Variants in CTTNBP2 observed in about 807,000 individuals in gnomAD.
The protein encoded by CTTNBP2 is cortactin-binding protein 2.
In CTTNBP2, 108 loss-of-function variants were observed where a neutral mutation model predicts 156.9. The ratio of observed to expected loss-of-function variants is 0.69; its 90% CI spans 0.59 to 0.81. The LOEUF (loss-of-function observed/expected upper bound fraction) is 0.81, where lower values mean the gene tolerates loss of function less well. Ranked by LOEUF, CTTNBP2 falls within the 30% of genes least tolerant of loss-of-function variation. CTTNBP2 has a pLI of 0.00. For missense variants in CTTNBP2, 1,924 were observed against 2,035.4 expected (o/e 0.95, Z 1.05); for synonymous variants, 767 against 751.8 (o/e 1.02, Z -0.33).
chr7:117,813,173 T>C (rs1480778091), intron 2 of CTTNBP2, among the ~76,000 whole-genome samples: 1 of 152,188 alleles, frequency 6.6e-6, no homozygotes, highest in Non-Finnish European at 1.5e-5. Context: ...GTCTATTCTT[T>C]TCCCATGAAG....
chr7:117,765,417 C>A (rs948808362), intron 9 of CTTNBP2, among the ~76,000 whole-genome samples: 2 of 152,172 alleles, frequency 1.3e-5, no homozygotes, highest in East Asian at 1.9e-4. Context: ...TAATTACTAA[C>A]CCTATTAACA....
intron 2 of CTTNBP2, among the ~76,000 whole-genome samples, chr7:117,853,767 T>G (rs2117205862): frequency 6.6e-6 from 1 of 152,318 alleles, no homozygotes; most frequent in Admixed American, 6.5e-5. Flanking sequence ...TCATCTTTAG[T>G]GTGTTCTCCT....
At chr7:117,786,922 A>G (rs1363301800) in intron 4 of CTTNBP2, among the ~76,000 whole-genome samples, 1 of 152,192 alleles carries the variant, frequency 6.6e-6, no homozygotes, top group Non-Finnish European at 1.5e-5. Flanking sequence ...TTTCTTACAC[A>G]GAACTACAGA....
At chr7:117,762,574 T>A (rs1322598789) in intron 9 of CTTNBP2, among the ~76,000 whole-genome samples, 1 of 152,204 alleles carries the variant, frequency 6.6e-6, no homozygotes, top group Non-Finnish European at 1.5e-5. Context: ...GCCACCATAA[T>A]TGTCTCTCAC....
At chr7:117,870,031 G>C (rs1804475200) in intron 1 of CTTNBP2, among the ~76,000 whole-genome samples, 1 of 152,104 alleles carries the variant, frequency 6.6e-6, no homozygotes, top group Non-Finnish European at 1.5e-5. Flanking sequence ...TCAGTCTCAA[G>C]GACTACTTCA....
intron 2 of CTTNBP2, among the ~76,000 whole-genome samples, chr7:117,813,307 T>C (rs572484007): frequency 6.6e-6 from 1 of 152,274 alleles, no homozygotes; most frequent in African/African-American, 2.4e-5. Context: ...CACTGCAAAA[T>C]GAAGACATGG....
intron 2 of CTTNBP2, among the ~76,000 whole-genome samples, chr7:117,815,350 G>A (rs1800514894): frequency 6.6e-6 from 1 of 152,002 alleles, no homozygotes; most frequent in Non-Finnish European, 1.5e-5. Context: ...CACAGAATAT[G>A]ACAAATCTCC....
rs1413001606 is a variant in CTTNBP2 at position 117,791,428 on chromosome 7, T to C, written c.1768A>G (p.Ser590Gly). 1 of 1,614,172 alleles carries C rather than the reference T, an allele frequency of 6.2e-7. No homozygotes were observed. Among genetic ancestry groups the C allele is most frequent in the South Asian group, 1.1e-5 (1 of 91,080 alleles). The change falls in exon 4 of 23, where the codon AGT becomes GGT. Residue 590 changes from serine (S) to glycine (G), a missense_variant. Transcript: ENST00000160373. ...ATCACCCTGTTCCCTTGTGGCAAAC[T>C]GGAAGGAGTCGAAGCCACAGTTTTG... ...DNKTVASTPS[S>G]LPQGNRVINE... is the part of the protein sequence containing the mutation.
rs554289900 is a variant in CTTNBP2 at position 117,779,302 on chromosome 7, A to G, written c.2523+1139T>C. Among the ~76,000 whole-genome samples the G allele has an allele frequency of 8.5e-5, 13 of 152,314 alleles. No individual in the cohort carries two copies. The South Asian group carries it at 2.7e-3, about 32-fold the overall frequency. On this transcript the variant is annotated intron_variant, in intron 7 of 22. Coordinates refer to ENST00000160373, the MANE Select transcript of CTTNBP2 (RefSeq NM_033427.3). The stretch of plus-strand genomic sequence containing the variant: ...AGGCCATGCAACCACTTCTGGAAAA[A>G]AAATTTTCTATTTTCTATCCTCTTT...
intron 8 of CTTNBP2, among the ~76,000 whole-genome samples, chr7:117,773,260 G>T (rs1403475585): frequency 1.3e-5 from 2 of 152,222 alleles, no homozygotes; most frequent in Non-Finnish European, 2.9e-5. Flanking sequence ...GAATCCAAGT[G>T]TTGGGGCGTC....
chr7:117,757,528 T>TAAAAA (rs56687697), intron 11 of CTTNBP2, among the ~76,000 whole-genome samples: 3 of 91,440 alleles, frequency 3.3e-5, no homozygotes, highest in East Asian at 3.5e-4. Context: ...TTAAGCACAG[T>TAAAAA]AAAAAAAAAA....
chr7:117,847,142 T>C (rs1440551381), intron 2 of CTTNBP2, among the ~76,000 whole-genome samples: 1 of 151,718 alleles, frequency 6.6e-6, no homozygotes, highest in Non-Finnish European at 1.5e-5. Flanking sequence ...ACATTTTAAA[T>C]CATTTCAGGG....
intron 3 of CTTNBP2, among the ~76,000 whole-genome samples, chr7:117,810,295 G>T (rs1314427107): frequency 6.6e-6 from 1 of 152,066 alleles, no homozygotes; most frequent in Non-Finnish European, 1.5e-5. Context: ...TTTTCTTCAT[G>T]TTATTTTCAT....
In CTTNBP2 at chr7:117,789,734, A is replaced by G. The variant is rs1798888723; in HGVS notation, c.2068+1394T>C. 4.1e-5 allele frequency among the ~76,000 whole-genome samples: 6 copies of G among 146,836 alleles called. No individual in the cohort carries two copies. The South Asian group carries it at 1.2e-3, about 30-fold the overall frequency. ...ATTTATTGATTACTCATGCTATTCTAAGCTCAATACCAAGCTGACAGGTTA... is the reference window on the plus strand; with the variant it reads ...ATTTATTGATTACTCATGCTATTCTGAGCTCAATACCAAGCTGACAGGTTA... On this transcript the variant is annotated intron_variant, in intron 4 of 22. Coordinates refer to ENST00000160373, the MANE Select transcript of CTTNBP2 (RefSeq NM_033427.3).
chr7:117,821,912 T>C (rs528376629), intron 2 of CTTNBP2, among the ~76,000 whole-genome samples: 2 of 152,236 alleles, frequency 1.3e-5, no homozygotes, highest in Admixed American at 6.5e-5. Flanking sequence ...TTTACATCTA[T>C]AGTTATGAGT....
In CTTNBP2 at chr7:117,728,096, T is replaced by C; in HGVS notation, c.4048A>G (p.Thr1350Ala). ...AGGAAAAATGGCACTTACTTCACTG[T>C]CACTTGGGCATGCCCAGGAACTACA... ...CPVVPGHAQV[T>A]VKWMSKLWNG... The change falls in exon 17 of 23, where the codon ACA becomes GCA. Residue 1350 changes from threonine to alanine, a missense_variant. Transcript: ENST00000160373. 1 of 1,612,510 alleles carries C rather than the reference T, an allele frequency of 6.2e-7. No homozygotes were observed. Among genetic ancestry groups the C allele is most frequent in the Non-Finnish European group, 8.5e-7 (1 of 1,179,416 alleles).
At chr7:117,811,876 TTAAAATTTTAATGTAAAAATTTTAATTA>T (rs1800310972) in intron 2 of CTTNBP2, among the ~76,000 whole-genome samples, 1 of 129,544 alleles carries the variant, frequency 7.7e-6, no homozygotes, top group East Asian at 2.0e-4. Context: ...TTTAATTAAA[TTAAAATTTTAATGTAAAAATTTTAATTA>T]AATTAAAATT....
At chr7:117,815,726 T>C (rs748362099) in intron 2 of CTTNBP2, among the ~76,000 whole-genome samples, 4 of 152,190 alleles carry the variant, frequency 2.6e-5, no homozygotes, top group Non-Finnish European at 5.9e-5. Context: ...AGATGATATG[T>C]TCTAACAAAA....
At chr7:117,800,043 ACT>A (rs1306590543) in intron 3 of CTTNBP2, among the ~76,000 whole-genome samples, 2 of 151,950 alleles carry the variant, frequency 1.3e-5, no homozygotes, top group Non-Finnish European at 2.9e-5. Flanking sequence ...GGGTTGGAAG[ACT>A]CTACTTTACT....
Sources: gnomAD v4.1 joint callset for allele counts (sites outside exome capture counted in the v4.1 genomes callset) on GRCh38, gnomAD v4.1.1 for gene constraint, MANE v1.5 for transcripts, NCBI Gene and HGNC (gene_info 2026-07-23, HGNC 2026-07-21) for gene names.